OCIAD2: variants seen among roughly 807,000 people sequenced by gnomAD.
The protein encoded by OCIAD2 is OCIA domain containing 2, also known as OCIA domain-containing protein 2.
OCIAD2 carries 29 observed loss-of-function variants against 22.9 expected under a neutral mutation model. The ratio of observed to expected loss-of-function variants is 1.27; its 90% CI spans 0.94 to 1.73. OCIAD2 has a LOEUF of 1.73. Among genes scored for constraint, OCIAD2 ranks in the 40% most tolerant of loss-of-function variants. The pLI, the probability that OCIAD2 is intolerant of heterozygous loss-of-function variation, is 0.00. For synonymous variants in OCIAD2, 67 were observed against 60.2 expected, an observed-to-expected ratio of 1.11 and a Z score of -0.52; for missense variants, 189 against 180.3, an observed-to-expected ratio of 1.05 and a Z score of -0.28.
chr4:48,904,410 C>T (rs140617297), intron 2 of OCIAD2, 74 bp downstream of exon 2: 2 of 1,300,658 alleles, frequency 1.5e-6, no homozygotes, highest in Non-Finnish European at 2.2e-6. Context: ...GACTGCACCA[C>T]TGCACTCCAG....
intron 3 of OCIAD2, 94 bp from the exon 4 acceptor site, chr4:48,897,951 C>A: frequency 1.2e-6 from 1 of 818,024 alleles, no homozygotes; most frequent in Non-Finnish European, 2.1e-6. Flanking sequence ...TTTCTCTTAC[C>A]TTCCTTGGCA....
chr4:48,896,518 AG>A (rs1379963805), intron 4 of OCIAD2, among the ~76,000 whole-genome samples: 3 of 152,150 alleles, frequency 2.0e-5, no homozygotes, highest in Non-Finnish European at 4.4e-5. Context: ...ACTCGAGCCC[AG>A]GAGGTTGAGA....
At position 48,894,065 on chromosome 4, in the gene OCIAD2, TA is replaced by T; in HGVS notation, c.218-13del. ...AGCTGCCAAATAACCTAAGGAGTAATAAAGAAAAACATTATTATTTCATTTC... is the reference window on the plus strand; with the variant it reads ...AGCTGCCAAATAACCTAAGGAGTAATAAGAAAAACATTATTATTTCATTTC... On this transcript the variant is annotated splice_polypyrimidine_tract_variant and intron_variant, in intron 4 of 6. Coordinates refer to ENST00000508632, the MANE Select transcript of OCIAD2 (RefSeq NM_001014446.3). The T allele has an allele frequency of 7.4e-7, 1 of 1,356,190 alleles. No individual in the cohort carries two copies. The highest frequency in any genetic ancestry group is 1.7e-5 in the South Asian group (1 of 58,402). 84.0% of individuals were successfully genotyped at this position (1,356,190 alleles called of 1,614,324 possible). A position where few individuals can be genotyped will look rare whatever the true frequency, so the allele number is the denominator to read the frequency against.
intron 1 of OCIAD2, among the ~76,000 whole-genome samples, chr4:48,905,088 C>A (rs1041181372): frequency 6.6e-6 from 1 of 151,962 alleles, no homozygotes; most frequent in Non-Finnish European, 1.5e-5. Context: ...GGCAGGAGGA[C>A]CAGGTTGGAA....
At chr4:48,889,934 G>T (rs1481762431) in intron 6 of OCIAD2, among the ~76,000 whole-genome samples, 4 of 152,044 alleles carry the variant, frequency 2.6e-5, no homozygotes, top group Non-Finnish European at 5.9e-5. Flanking sequence ...CCATAAAAAA[G>T]GATGAGCTCA....
intron 2 of OCIAD2, among the ~76,000 whole-genome samples, chr4:48,903,973 A>G (rs1161980940): frequency 6.6e-6 from 1 of 152,090 alleles, no homozygotes; most frequent in African/African-American, 2.4e-5. Flanking sequence ...TAAAATTTTA[A>G]ATTTTAAATT....
Position 48,889,399 on chromosome 4 carries a change from C to CA in OCIAD2, c.383+3372dup, listed in dbSNP as rs34210579. On this transcript the variant is annotated intron_variant, in intron 6 of 6. Transcript: ENST00000508632. ...TAATATCCAGAATCTACAAAGAACT[C>CA]AAACAAATTTACAAGAAAAAAACAA... Among the ~76,000 whole-genome samples, 356 of 152,058 alleles carry CA rather than the reference C, an allele frequency of 2.3e-3. 1 individual carries two copies. Among genetic ancestry groups the CA allele is most frequent in the African/African-American group, 8.3e-3 (344 of 41,490 alleles).
intron 3 of OCIAD2, among the ~76,000 whole-genome samples, chr4:48,898,348 T>A (rs760981676): frequency 1.3e-5 from 2 of 152,338 alleles, no homozygotes; most frequent in African/African-American, 2.4e-5. Context: ...TAATTTTTCC[T>A]TTTTTGTCTG....
intron 1 of OCIAD2, among the ~76,000 whole-genome samples, chr4:48,905,868 G>A (rs62310938): frequency 2.0e-5 from 3 of 152,246 alleles, no homozygotes; most frequent in Non-Finnish European, 2.9e-5. Context: ...TCCCTTTGGT[G>A]CAAATGACTT....
At chr4:48,892,326 T>C (rs1781195479) in intron 6 of OCIAD2, among the ~76,000 whole-genome samples, 1 of 152,222 alleles carries the variant, frequency 6.6e-6, no homozygotes, top group Admixed American at 6.6e-5. Context: ...TAGAACTGGT[T>C]TTTAAACCAA....
At chr4:48,902,013 C>T (rs112785690) in intron 2 of OCIAD2, among the ~76,000 whole-genome samples, 55 of 152,254 alleles carry the variant, frequency 3.6e-4, no homozygotes, top group East Asian at 9.6e-4. Flanking sequence ...GTGTTTGTCC[C>T]GCTTTGGCTT....
At chr4:48,887,974 G>A (rs1254667867) in intron 6 of OCIAD2, among the ~76,000 whole-genome samples, 1 of 152,142 alleles carries the variant, frequency 6.6e-6, no homozygotes, top group Non-Finnish European at 1.5e-5. Context: ...CCATGAGCAT[G>A]GAATGTTCTT....
intron 2 of OCIAD2, among the ~76,000 whole-genome samples, chr4:48,900,960 T>C (rs543712718): frequency 6.6e-6 from 1 of 152,232 alleles, no homozygotes; most frequent in Admixed American, 6.5e-5. Context: ...TTACCATTCC[T>C]TTGGCTTTGT....
intron 6 of OCIAD2, among the ~76,000 whole-genome samples, chr4:48,888,958 G>C (rs568922143): frequency 1.3e-5 from 2 of 152,104 alleles, no homozygotes; most frequent in African/African-American, 4.8e-5. Context: ...CTGTGAATCC[G>C]TCTGGTCCTG....
At chr4:48,899,791 C>A in intron 3 of OCIAD2, 38 bp downstream of exon 3, 1 of 1,380,474 alleles carries the variant, frequency 7.2e-7, no homozygotes, top group Non-Finnish European at 1.0e-6. Flanking sequence ...GATATTTAGG[C>A]AGTTTACTGC....
At chr4:48,902,441 C>T (rs1473319253) in intron 2 of OCIAD2, among the ~76,000 whole-genome samples, 1 of 152,226 alleles carries the variant, frequency 6.6e-6, no homozygotes, top group African/African-American at 2.4e-5. Flanking sequence ...CCTCCCTCTT[C>T]TTTCCCTGCA....
intron 2 of OCIAD2, among the ~76,000 whole-genome samples, chr4:48,903,866 C>T (rs559982553): frequency 9.2e-5 from 14 of 151,878 alleles, no homozygotes; most frequent in South Asian, 4.2e-4. Context: ...AGGATGGTCT[C>T]GATCTCTTGA....
chr4:48,904,683 T>G (rs1412924744), intron 1 of OCIAD2, 72 bp from the exon 2 acceptor site: 2 of 804,900 alleles, frequency 2.5e-6, no homozygotes. Flanking sequence ...ATCCTGAGGA[T>G]CCACTGGAGT....
At chr4:48,886,932 G>A (rs1781005105) in intron 6 of OCIAD2, among the ~76,000 whole-genome samples, 1 of 152,170 alleles carries the variant, frequency 6.6e-6, no homozygotes, top group Non-Finnish European at 1.5e-5. Context: ...TTCCACAATG[G>A]TTGAACTAGT....
Sources: gnomAD v4.1 joint callset for allele counts (sites outside exome capture counted in the v4.1 genomes callset) on GRCh38, gnomAD v4.1.1 for gene constraint, MANE v1.5 for transcripts, NCBI Gene and HGNC (gene_info 2026-07-23, HGNC 2026-07-21) for gene names.